The following PCBP3 variants were observed in gnomAD, a reference collection of about 807,000 sequenced individuals.
PCBP3 encodes the protein poly(rC)-binding protein 3.
Under a neutral mutation model 52.7 loss-of-function variants are expected in PCBP3, and 25 were observed. The ratio of observed to expected loss-of-function variants is 0.47; its 90% CI spans 0.35 to 0.66. The LOEUF is 0.66. Ranked by LOEUF, PCBP3 falls within the 30% of genes least tolerant of loss-of-function variation. PCBP3 has a pLI of 0.01. For missense variants in PCBP3, 391 were observed against 490.3 expected (o/e 0.80, Z 1.91); for synonymous variants, 162 against 183.0 (o/e 0.89, Z 0.93).
chr21:45,667,091 T>TTTCC (rs2080855836), intron 1 of PCBP3, among the ~76,000 whole-genome samples: 2 of 150,258 alleles, frequency 1.3e-5, no homozygotes, highest in African/African-American at 2.5e-5. Context: ...TCTTTCTTTC[T>TTTCC]TTCTTTCTTT....
At chr21:45,910,312 A>G (rs547127785) in intron 10 of PCBP3, among the ~76,000 whole-genome samples, 2 of 150,566 alleles carry the variant, frequency 1.3e-5, no homozygotes, top group South Asian at 4.2e-4. Flanking sequence ...GACAGGGAGG[A>G]ACTAGCTGGT....
At position 45,909,187 on chromosome 21, in the gene PCBP3, G is replaced by A. The variant is rs570328940; in HGVS notation, c.340-168G>A. On this transcript the variant is annotated intron_variant, in intron 9 of 17. Coordinates refer to ENST00000681687, the MANE Select transcript of PCBP3 (RefSeq NM_001384156.1). ...TGCCAGCCTGCCCATCCATTTCAGCGACGTCTCCTGGTCCTCCCTGGCCTG... is the reference window on the plus strand; with the variant it reads ...TGCCAGCCTGCCCATCCATTTCAGCAACGTCTCCTGGTCCTCCCTGGCCTG... 3.5e-4 allele frequency among the ~76,000 whole-genome samples: 53 copies of A among 152,090 alleles called. No homozygotes were observed. In the South Asian group the frequency reaches 0.011, roughly 32 times the overall value.
intron 1 of PCBP3, among the ~76,000 whole-genome samples, chr21:45,648,115 A>G (rs1473853302): frequency 6.6e-6 from 1 of 152,230 alleles, no homozygotes. Context: ...TGGGAAAGGA[A>G]TGCAGTCCTT....
intron 12 of PCBP3, 184 bp downstream of exon 12, chr21:45,914,209 G>T: frequency 2.1e-6 from 2 of 966,230 alleles, no homozygotes; most frequent in Non-Finnish European, 1.5e-6. Flanking sequence ...CTTCAGAGCG[G>T]CATTCCCCCA....
intron 2 of PCBP3, among the ~76,000 whole-genome samples, chr21:45,674,282 C>G (rs1353060295): frequency 6.6e-6 from 1 of 152,166 alleles, no homozygotes; most frequent in Non-Finnish European, 1.5e-5. Flanking sequence ...CAAAACAACC[C>G]TTGTTGTTGC....
chr21:45,909,899 C>T (rs1269422928), intron 10 of PCBP3, among the ~76,000 whole-genome samples: 18 of 87,986 alleles, frequency 2.0e-4, no homozygotes, highest in Non-Finnish European at 2.3e-4. Context: ...TGCCCAGATA[C>T]AGACCCGGCC....
intron 4 of PCBP3, among the ~76,000 whole-genome samples, chr21:45,801,329 G>A (rs1384668839): frequency 6.6e-6 from 1 of 152,208 alleles, no homozygotes; most frequent in African/African-American, 2.4e-5. Flanking sequence ...TCCTGCCCTT[G>A]TCTACCCACC....
intron 4 of PCBP3, among the ~76,000 whole-genome samples, chr21:45,781,642 T>G (rs7276632): frequency 0.18 from 27,619 of 152,060 alleles, 2,643 homozygotes; most frequent in Middle Eastern, 0.34. Context: ...TCCCCAAGAG[T>G]AGTGAAAGCA....
At chr21:45,657,915 T>C (rs56288252) in intron 1 of PCBP3, among the ~76,000 whole-genome samples, 23,028 of 152,192 alleles carry the variant, frequency 0.15, 1,979 homozygotes, top group Middle Eastern at 0.3. Flanking sequence ...TTTTCTCATG[T>C]AATTGCCCTG....
In PCBP3 at chr21:45,735,741, G is replaced by A. The variant is rs1175135832; in HGVS notation, c.-162+312G>A. On this transcript the variant is annotated intron_variant, in intron 3 of 17. Coordinates refer to ENST00000681687, the MANE Select transcript of PCBP3 (RefSeq NM_001384156.1). The surrounding 1 kb of genome is among the most constrained non-coding windows in gnomAD (Gnocchi z 4.0). ...CCATGTAGACCAGCAGGAGCTGGAG[G>A]GCCAGTTGTTAGTGCACTTGGAGCC... Among the ~76,000 whole-genome samples the A allele has an allele frequency of 6.6e-6, 1 of 152,224 alleles. No homozygotes were observed. The highest frequency in any genetic ancestry group is 1.5e-5 in the Non-Finnish European group (1 of 68,034).
intron 4 of PCBP3, among the ~76,000 whole-genome samples, chr21:45,771,252 C>G (rs2089840094): frequency 6.6e-6 from 1 of 152,298 alleles, no homozygotes; most frequent in African/African-American, 2.4e-5. Flanking sequence ...TATTTTGAGA[C>G]TAGACAGTGG....
At chr21:45,813,995 C>G (rs891830335) in intron 4 of PCBP3, among the ~76,000 whole-genome samples, 5 of 152,180 alleles carry the variant, frequency 3.3e-5, no homozygotes, top group African/African-American at 1.2e-4. Flanking sequence ...GTGTGAACAT[C>G]ATGGTGTGGA....
chr21:45,770,075 C>T (rs969126883), intron 4 of PCBP3, among the ~76,000 whole-genome samples: 1 of 152,178 alleles, frequency 6.6e-6, no homozygotes, highest in Non-Finnish European at 1.5e-5. Context: ...TGGCAGGTGG[C>T]GGCCTCGTGT....
At chr21:45,847,113 G>C in intron 4 of PCBP3, among the ~76,000 whole-genome samples, 1 of 150,882 alleles carries the variant, frequency 6.6e-6, no homozygotes, top group South Asian at 2.1e-4. Context: ...TTTTTTTTCT[G>C]TTGTTTTTGG....
intron 1 of PCBP3, among the ~76,000 whole-genome samples, chr21:45,654,032 A>G (rs1272160116): frequency 6.6e-6 from 1 of 152,138 alleles, no homozygotes; most frequent in Non-Finnish European, 1.5e-5. Context: ...CTCCAGATTC[A>G]TATGTGCTTA....
Position 45,800,615 on chromosome 21 carries a change from CT to C in PCBP3, c.-126+45164del, listed in dbSNP as rs2092259906. The stretch of plus-strand genomic sequence containing the variant: ...GCTCTCAGCTGCCTGCCCTGGTCAC[CT>C]GCCACCCCTTCGTGCTGGGCCCTTG... On this transcript the variant is annotated intron_variant, in intron 4 of 17. Coordinates refer to ENST00000681687, the MANE Select transcript of PCBP3 (RefSeq NM_001384156.1). The surrounding 1 kb of genome is among the most constrained non-coding windows in gnomAD (Gnocchi z 5.3). 6.6e-6 allele frequency among the ~76,000 whole-genome samples: 1 copy of C among 152,212 alleles called. No individual in the cohort carries two copies. Among genetic ancestry groups the C allele is most frequent in the Non-Finnish European group, 1.5e-5 (1 of 68,024 alleles).
chr21:45,927,829 G>A lies in PCBP3; in HGVS notation c.718-2088G>A, dbSNP rs140937376. On this transcript the variant is annotated intron_variant, in intron 13 of 17. Transcript: ENST00000681687. ...AGACACCAGGCCTTCCTGTCGCCAC[G>A]GCCACAAGCTGAGCCATCTTGGAGC... Among the ~76,000 whole-genome samples, 776 of 152,234 alleles carry A rather than the reference G, an allele frequency of 5.1e-3. 3 individuals carry two copies. Among genetic ancestry groups the A allele is most frequent in the African/African-American group, 0.013 (556 of 41,542 alleles).
At chr21:45,852,024 T>TAA (rs1362909485) in intron 5 of PCBP3, among the ~76,000 whole-genome samples, 3 of 152,200 alleles carry the variant, frequency 2.0e-5, no homozygotes, top group Non-Finnish European at 4.4e-5. Context: ...AGGAGTAAAT[T>TAA]CTGGTGTTCT....
intron 2 of PCBP3, among the ~76,000 whole-genome samples, chr21:45,675,893 A>G (rs770761482): frequency 1.3e-5 from 2 of 152,222 alleles, no homozygotes; most frequent in Non-Finnish European, 2.9e-5. Context: ...ACCCACTCGC[A>G]TACAAAAAGC....
Sources: gnomAD v4.1 joint callset for allele counts (sites outside exome capture counted in the v4.1 genomes callset) on GRCh38, gnomAD v4.1.1 for gene constraint, Gnocchi (gnomAD v3.1) non-coding constraint, MANE v1.5 for transcripts, NCBI Gene and HGNC (gene_info 2026-07-23, HGNC 2026-07-21) for gene names.